The following ZNF516 variants were observed in gnomAD, a reference collection of about 807,000 sequenced individuals.
ZNF516 encodes the protein zinc finger protein 516.
ZNF516 carries 19 observed loss-of-function variants against 79.7 expected under a neutral mutation model. The observed-to-expected ratio is 0.24, with a 90% CI of 0.17 to 0.35. The LOEUF (loss-of-function observed/expected upper bound fraction) is 0.35. Ranked by LOEUF, ZNF516 falls within the 10% of genes least tolerant of loss-of-function variation. The probability of loss-of-function intolerance (pLI) is 1.00; values close to 1 mark genes in which losing one functional copy is unlikely to be tolerated. For missense variants in ZNF516, 1,678 were observed against 1,679.5 expected (o/e 1.00, Z 0.02); for synonymous variants, 877 against 739.5 (o/e 1.19, Z -3.02).
intron 1 of ZNF516, among the ~76,000 whole-genome samples, chr18:76,471,974 A>G (rs1913870713): frequency 6.6e-6 from 1 of 152,178 alleles, no homozygotes; most frequent in Non-Finnish European, 1.5e-5. Context: ...CAACGCATCC[A>G]GTGGATGGAC....
Position 76,373,648 on chromosome 18 carries a change from A to T in ZNF516, c.3260-2077T>A, listed in dbSNP as rs147488402. 2.2e-3 allele frequency among the ~76,000 whole-genome samples: 338 copies of T among 152,374 alleles called. 1 individual carries two copies. The highest frequency in any genetic ancestry group is 7.8e-3 in the African/African-American group (324 of 41,592). On this transcript the variant is annotated intron_variant, in intron 4 of 6. Coordinates refer to ENST00000443185, the MANE Select transcript of ZNF516 (RefSeq NM_014643.4). ...TATTTCCTATCCAAATGAGCAACAG[A>T]GAAAACATGGATAGCCCTCCCACTC...
At chr18:76,466,350 C>T (rs971700473) in intron 1 of ZNF516, among the ~76,000 whole-genome samples, 1 of 147,284 alleles carries the variant, frequency 6.8e-6, no homozygotes, top group South Asian at 2.1e-4. Context: ...GGACCTCCTG[C>T]CCCTTGAGAA....
chr18:76,433,997 A>T (rs1229661133), intron 3 of ZNF516, among the ~76,000 whole-genome samples: 1 of 151,676 alleles, frequency 6.6e-6, no homozygotes, highest in Non-Finnish European at 1.5e-5. Flanking sequence ...AGGTGCACCA[A>T]GCCCTCGGCA....
chr18:76,429,100 G>C (rs1347112850), intron 3 of ZNF516, among the ~76,000 whole-genome samples: 1 of 152,232 alleles, frequency 6.6e-6, no homozygotes, highest in Non-Finnish European at 1.5e-5. Flanking sequence ...GCACCTGGTA[G>C]GGGATGAGGA....
chr18:76,496,126 A>AGGGATGGCC (rs1416344215), upstream of ZNF516, among the ~76,000 whole-genome samples: 44 of 31,988 alleles, frequency 1.4e-3, no homozygotes, highest in Non-Finnish European at 2.3e-3. Context: ...GTTACAGGGC[A>AGGGATGGCC]GGGATGGCCG....
At chr18:76,454,806 ACAAC>A (rs1912620675) in intron 2 of ZNF516, among the ~76,000 whole-genome samples, 2 of 152,234 alleles carry the variant, frequency 1.3e-5, no homozygotes, top group African/African-American at 4.8e-5. Context: ...AAATTCCACT[ACAAC>A]TCCCTGTAAC....
chr18:76,413,741 G>C (rs935138712), intron 3 of ZNF516, among the ~76,000 whole-genome samples: 1 of 152,142 alleles, frequency 6.6e-6, no homozygotes, highest in East Asian at 1.9e-4. Context: ...CAATGTGACT[G>C]TATAAAACTA....
intron 6 of ZNF516, among the ~76,000 whole-genome samples, chr18:76,363,644 T>A (rs901531690): frequency 6.6e-6 from 1 of 152,182 alleles, no homozygotes; most frequent in African/African-American, 2.4e-5. Context: ...CCTAAGTAGA[T>A]GGTGAATTTC....
intron 3 of ZNF516, among the ~76,000 whole-genome samples, chr18:76,414,230 T>G (rs2075406099): frequency 6.6e-6 from 1 of 152,238 alleles, no homozygotes; most frequent in Admixed American, 6.5e-5. Flanking sequence ...AAAGCCTACT[T>G]ATTCTGAAAC....
At chr18:76,469,383 T>C (rs1207083233) in intron 1 of ZNF516, among the ~76,000 whole-genome samples, 1 of 152,236 alleles carries the variant, frequency 6.6e-6, no homozygotes, top group East Asian at 1.9e-4. Context: ...TATCTCTGAA[T>C]GTATACATTC....
chr18:76,488,157 C>T (rs567458545), intron 1 of ZNF516: 461 of 985,308 alleles, frequency 4.7e-4, no homozygotes, highest in Non-Finnish European at 5.3e-4. Flanking sequence ...AACGGATGCA[C>T]AGCCTGACAC....
intron 1 of ZNF516, among the ~76,000 whole-genome samples, chr18:76,488,726 T>C (rs1361010401): frequency 6.6e-6 from 1 of 152,244 alleles, no homozygotes; most frequent in Non-Finnish European, 1.5e-5. Flanking sequence ...CTTTCTTCCA[T>C]TACAGTTCTA....
chr18:76,479,541 G>A (rs902901804), intron 1 of ZNF516, among the ~76,000 whole-genome samples: 2 of 152,214 alleles, frequency 1.3e-5, no homozygotes, highest in Admixed American at 6.5e-5. Flanking sequence ...TCCCACAGAT[G>A]GAGGGAAGAC....
chr18:76,427,165 T>C (rs2075606064), intron 3 of ZNF516, among the ~76,000 whole-genome samples: 1 of 152,220 alleles, frequency 6.6e-6, no homozygotes, highest in Admixed American at 6.5e-5. Flanking sequence ...CACACTCTGG[T>C]GGCATGTCAT....
At chr18:76,429,267 C>A (rs1294786132) in intron 3 of ZNF516, among the ~76,000 whole-genome samples, 1 of 152,198 alleles carries the variant, frequency 6.6e-6, no homozygotes, top group Non-Finnish European at 1.5e-5. Flanking sequence ...GTGTGGGGAG[C>A]AACAATGGCA....
At chr18:76,427,646 G>A (rs1047133390) in intron 3 of ZNF516, among the ~76,000 whole-genome samples, 1 of 152,148 alleles carries the variant, frequency 6.6e-6, no homozygotes, top group African/African-American at 2.4e-5. Context: ...CAATTCTGAT[G>A]TTTCAGAACC....
In ZNF516 at chr18:76,442,561, C is replaced by A. The variant is rs757565835; in HGVS notation, c.494G>T (p.Cys165Phe). ...SSKKGAEGSA[C>F]APGEAKAAVQ... Reference sequence around the variant, plus strand: ...CGCTGCCTTGGCCTCCCCCGGGGCGCATGCGGACCCCTCTGCCCCCTTCTT... The same window carrying A: ...CGCTGCCTTGGCCTCCCCCGGGGCGAATGCGGACCCCTCTGCCCCCTTCTT... The change falls in exon 3 of 7, where the codon TGC (cysteine) becomes TTC (phenylalanine). Residue 165 changes from cysteine to phenylalanine, a missense_variant. Cys to Phe is a radical substitution (Grantham distance 205). Coordinates refer to ENST00000443185, the MANE Select transcript of ZNF516 (RefSeq NM_014643.4). 1 of 1,598,796 alleles carries A rather than the reference C, an allele frequency of 6.3e-7. No homozygotes were observed. Among genetic ancestry groups the A allele is most frequent in the African/African-American group, 1.3e-5 (1 of 75,054 alleles).
intron 2 of ZNF516, among the ~76,000 whole-genome samples, chr18:76,448,945 T>C (rs983342186): frequency 3.9e-5 from 6 of 152,176 alleles, no homozygotes; most frequent in South Asian, 2.1e-4. Context: ...TTGGCCAGGT[T>C]TTCCCCTGGG....
chr18:76,422,021 G>C (rs2075514926), intron 3 of ZNF516, among the ~76,000 whole-genome samples: 1 of 152,154 alleles, frequency 6.6e-6, no homozygotes, highest in African/African-American at 2.4e-5. Flanking sequence ...CTACCAGTGA[G>C]TATTATCGTT....
Sources: gnomAD v4.1 joint callset for allele counts (sites outside exome capture counted in the v4.1 genomes callset) on GRCh38, gnomAD v4.1.1 for gene constraint, MANE v1.5 for transcripts, NCBI Gene and HGNC (gene_info 2026-07-23, HGNC 2026-07-21) for gene names.